Variants in DOCK7 observed in about 807,000 individuals in gnomAD.
DOCK7 encodes the protein dedicator of cytokinesis protein 7.
Under a neutral mutation model 271.0 loss-of-function variants are expected in DOCK7, and 138 were observed. The ratio of observed to expected loss-of-function variants is 0.51; its 90% CI spans 0.44 to 0.59. The LOEUF is 0.59. Among genes scored for constraint, DOCK7 ranks in the 20% least tolerant of loss-of-function variants. The pLI is 0.00. For missense variants in DOCK7, 2,066 were observed against 2,592.4 expected (o/e 0.80, Z 4.41); for synonymous variants, 823 against 876.1 (o/e 0.94, Z 1.07).
At chr1:62,579,735 T>C (rs1647056578) in intron 16 of DOCK7, among the ~76,000 whole-genome samples, 1 of 143,242 alleles carries the variant, frequency 7.0e-6, no homozygotes, top group Non-Finnish European at 1.5e-5. Flanking sequence ...TTTTGCTCTA[T>C]AGACTGTCTT....
intron 18 of DOCK7, among the ~76,000 whole-genome samples, chr1:62,571,658 C>A (rs978121255): frequency 7.9e-5 from 12 of 152,092 alleles, no homozygotes; most frequent in African/African-American, 2.9e-4. Context: ...AACCCAAATG[C>A]CCATCAATGA....
At chr1:62,459,812 C>T (rs1217087186) in intron 48 of DOCK7, among the ~76,000 whole-genome samples, 5 of 151,954 alleles carry the variant, frequency 3.3e-5, no homozygotes, top group African/African-American at 1.2e-4. Flanking sequence ...TAAAAAAATG[C>T]TTCCAGGCCG....
chr1:62,618,557 G>A (rs1192379687), intron 14 of DOCK7, 149 bp downstream of exon 14: 8 of 659,302 alleles, frequency 1.2e-5, no homozygotes, highest in Admixed American at 8.9e-5. Flanking sequence ...GCCTTAATAC[G>A]TGAAAACTAT....
At chr1:62,603,876 CAATT>C in intron 14 of DOCK7, 1 of 1,205,526 alleles carries the variant, frequency 8.3e-7, no homozygotes, top group Admixed American at 1.8e-5. Context: ...CTAAACAACT[CAATT>C]AGTTGCACCA....
intron 1 of DOCK7, among the ~76,000 whole-genome samples, chr1:62,667,340 A>C (rs1045729357): frequency 6.6e-6 from 1 of 152,262 alleles, no homozygotes; most frequent in African/African-American, 2.4e-5. Flanking sequence ...TATCTGAGAT[A>C]GAAGTCAGGG....
At chr1:62,515,733 T>C (rs570417806) in intron 31 of DOCK7, among the ~76,000 whole-genome samples, 1 of 152,276 alleles carries the variant, frequency 6.6e-6, no homozygotes, top group South Asian at 2.1e-4. Context: ...GATTTTTAAA[T>C]TTAATGGGGG....
chr1:62,531,117 G>C (rs530996215), intron 29 of DOCK7, among the ~76,000 whole-genome samples: 2 of 152,148 alleles, frequency 1.3e-5, no homozygotes, highest in Non-Finnish European at 2.9e-5. Context: ...TTCTCCAGTA[G>C]TTCCCACCTT....
intron 14 of DOCK7, among the ~76,000 whole-genome samples, chr1:62,596,478 G>A (rs1371106471): frequency 6.6e-6 from 1 of 152,060 alleles, no homozygotes; most frequent in African/African-American, 2.4e-5. Flanking sequence ...ACACTAAGTT[G>A]GAAGCATAGT....
rs398122988 is a variant in DOCK7 at position 62,597,921 on chromosome 1, GAACTC to G, written c.1683-11302_1683-11298del. ...TGAAGAGGTAAAGAATATGTCACTTGAACTCAACTCAAAACTTGAAAGCCTCCTAG... is the reference window on the plus strand; with the variant it reads ...TGAAGAGGTAAAGAATATGTCACTTGAACTCAAAACTTGAAAGCCTCCTAG... On this transcript the variant is annotated intron_variant, in intron 14 of 49. Transcript: ENST00000635253. 4.3e-4 allele frequency: 675 copies of G among 1,552,802 alleles called. No homozygotes were observed. The highest frequency in any genetic ancestry group is 5.4e-4 in the Non-Finnish European group (625 of 1,157,050).
chr1:62,606,936 G>A (rs909751486), intron 14 of DOCK7, among the ~76,000 whole-genome samples: 1 of 152,200 alleles, frequency 6.6e-6, no homozygotes, highest in East Asian at 1.9e-4. Context: ...GGCCAGGCAC[G>A]GTGGCTCACA....
chr1:62,556,083 A>AT, intron 20 of DOCK7, 94 bp from the exon 21 acceptor site: 1 of 1,237,112 alleles, frequency 8.1e-7, no homozygotes, highest in Non-Finnish European at 1.2e-6. Context: ...TGCATACTTT[A>AT]AGTATAGTGA....
intron 7 of DOCK7, among the ~76,000 whole-genome samples, chr1:62,645,564 G>C (rs1241722078): frequency 6.6e-6 from 1 of 152,130 alleles, no homozygotes; most frequent in African/African-American, 2.4e-5. Flanking sequence ...ACAAATATGA[G>C]ATTTCTTTTT....
intron 14 of DOCK7, chr1:62,604,185 C>G (rs767910330): frequency 1.9e-6 from 3 of 1,613,218 alleles, no homozygotes; most frequent in Admixed American, 1.7e-5. Flanking sequence ...GTGTTTTCTA[C>G]TTGGGATCAC....
intron 1 of DOCK7, among the ~76,000 whole-genome samples, chr1:62,673,611 T>A (rs1322786091): frequency 6.6e-6 from 1 of 152,210 alleles, no homozygotes; most frequent in East Asian, 1.9e-4. Flanking sequence ...AAATTTATCT[T>A]AAATTCCACC....
chr1:62,514,761 TTATTA>T (rs1644609555), intron 31 of DOCK7, among the ~76,000 whole-genome samples: 1 of 152,106 alleles, frequency 6.6e-6, no homozygotes, highest in Non-Finnish European at 1.5e-5. Flanking sequence ...TTAACTATTA[TTATTA>T]TTAGTTTACA....
At chr1:62,542,749 G>C in intron 24 of DOCK7, 46 bp from the exon 25 acceptor site, 1 of 1,557,082 alleles carries the variant, frequency 6.4e-7, no homozygotes. Context: ...CAAATCTGCT[G>C]ATAACATAAA....
chr1:62,505,768 T>C lies in DOCK7; in HGVS notation c.4525A>G (p.Lys1509Glu), dbSNP rs758978073. Residue 1509 changes from lysine to glutamate, a missense_variant, in exon 36 of 50, where the codon AAA becomes GAA. Physicochemically the swap from Lys to Glu is moderately conservative, Grantham distance 56 (BLOSUM62 1). This residue lies in a region of DOCK7 where 652 missense variants were observed against 922.1 expected (regional missense o/e 0.71). Coordinates refer to ENST00000635253, the MANE Select transcript of DOCK7 (RefSeq NM_001367561.1). ...CAGGCCATGCTGTGTAGTAGCACTT[T>C]TAGCACTCCACCAAGAATGCTCTCT... is the stretch of plus-strand genomic sequence containing the variant. ...SKESILGGVL[K>E]VLLHSMACNQ... The C allele has an allele frequency of 1.2e-6, 2 of 1,613,546 alleles. No individual in the cohort carries two copies. Among genetic ancestry groups the C allele is most frequent in the Non-Finnish European group, 8.5e-7 (1 of 1,179,736 alleles).
chr1:62,560,835 T>C (rs1646299152), intron 19 of DOCK7, among the ~76,000 whole-genome samples: 1 of 152,212 alleles, frequency 6.6e-6, no homozygotes, highest in Non-Finnish European at 1.5e-5. Flanking sequence ...TATGTAACAC[T>C]GTACTAATTT....
chr1:62,570,591 C>T (rs1002577219), intron 18 of DOCK7, among the ~76,000 whole-genome samples: 1 of 152,068 alleles, frequency 6.6e-6, no homozygotes, highest in Admixed American at 6.6e-5. Flanking sequence ...AAGGCCCATA[C>T]AGCCAAGACA....
Sources: allele counts gnomAD v4.1 joint callset (sites outside exome capture counted in the v4.1 genomes callset), GRCh38; gene constraint gnomAD v4.1.1; regional missense constraint gnomAD v4.1.1; transcripts MANE v1.5; gene names NCBI Gene and HGNC (gene_info 2026-07-23, HGNC 2026-07-21).